Variants in FAT3 observed in about 807,000 individuals in gnomAD.
The protein encoded by FAT3 is protocadherin Fat 3.
FAT3 carries 95 observed loss-of-function variants against 310.2 expected under a neutral mutation model. The observed-to-expected ratio is 0.31, with a 90% CI of 0.26 to 0.36. The LOEUF is 0.36. FAT3 is among the 10% of genes least tolerant of loss of function. FAT3 has a pLI of 1.00. For missense variants in FAT3, 5,408 were observed against 5,715.6 expected, an observed-to-expected ratio of 0.95 and a Z score of 1.74; for synonymous variants, 2,314 against 2,192.9, an observed-to-expected ratio of 1.06 and a Z score of -1.54.
chr11:92,360,299 G>T (rs1480204150), intron 2 of FAT3, among the ~76,000 whole-genome samples: 1 of 152,190 alleles, frequency 6.6e-6, no homozygotes, highest in African/African-American at 2.4e-5. Flanking sequence ...AGAGCTCTGC[G>T]AATCAAACCA....
At chr11:92,525,496 A>G (rs1030244246) in intron 3 of FAT3, among the ~76,000 whole-genome samples, 11 of 152,214 alleles carry the variant, frequency 7.2e-5, no homozygotes, top group African/African-American at 2.7e-4. Flanking sequence ...AAACGTTTTT[A>G]GAGATTGTAA....
At chr11:92,652,940 A>G (rs1427037305) in intron 3 of FAT3, among the ~76,000 whole-genome samples, 6 of 152,148 alleles carry the variant, frequency 3.9e-5, no homozygotes, top group African/African-American at 1.4e-4. Context: ...AGGCGGGTAG[A>G]TCACCTGAGG....
chr11:92,703,417 T>C (rs1216269521), intron 4 of FAT3, among the ~76,000 whole-genome samples: 6 of 152,218 alleles, frequency 3.9e-5, no homozygotes, highest in Non-Finnish European at 7.3e-5. Context: ...TAGGCATCTC[T>C]TTCTGCCACC....
intron 5 of FAT3, 80 bp from the exon 6 acceptor site, chr11:92,764,799 C>A: frequency 7.4e-7 from 1 of 1,352,504 alleles, no homozygotes; most frequent in East Asian, 2.4e-5. Flanking sequence ...ACTCTTGGCC[C>A]AGCAACATGA....
intron 4 of FAT3, among the ~76,000 whole-genome samples, chr11:92,727,500 C>A (rs1013543197): frequency 2.0e-5 from 3 of 151,890 alleles, no homozygotes; most frequent in Non-Finnish European, 4.4e-5. Context: ...TGGTAGATAA[C>A]CTTTTATTTT....
intron 1 of FAT3, among the ~76,000 whole-genome samples, chr11:92,232,724 A>G (rs1326075906): frequency 7.2e-6 from 1 of 137,992 alleles, no homozygotes; most frequent in African/African-American, 2.7e-5. Context: ...GAGTGGACGC[A>G]TGGTGTCTTG....
intron 2 of FAT3, among the ~76,000 whole-genome samples, chr11:92,370,610 A>C (rs74586660): frequency 0.054 from 8,264 of 152,304 alleles, 260 homozygotes; most frequent in African/African-American, 0.069. Flanking sequence ...TTGGATAACC[A>C]TTTTATACAA....
chr11:92,579,569 T>G (rs1015451523), intron 3 of FAT3, among the ~76,000 whole-genome samples: 1 of 152,090 alleles, frequency 6.6e-6, no homozygotes, highest in Admixed American at 6.6e-5. Flanking sequence ...ATAATTAAAT[T>G]TGGGGACAGA....
intron 5 of FAT3, among the ~76,000 whole-genome samples, chr11:92,762,555 C>T (rs1264932930): frequency 6.6e-6 from 1 of 152,076 alleles, no homozygotes; most frequent in African/African-American, 2.4e-5. Context: ...CAACATGTCC[C>T]CGAGACTTCC....
chr11:92,509,668 T>G (rs1351680093), intron 2 of FAT3, among the ~76,000 whole-genome samples: 1 of 152,150 alleles, frequency 6.6e-6, no homozygotes, highest in Non-Finnish European at 1.5e-5. Flanking sequence ...AAATGAGTCA[T>G]AGAACTAAAG....
At chr11:92,263,604 G>C (rs2134313337) in intron 1 of FAT3, among the ~76,000 whole-genome samples, 1 of 150,826 alleles carries the variant, frequency 6.6e-6, no homozygotes, top group East Asian at 2.0e-4. Flanking sequence ...TGATAAATGT[G>C]GTATTTGAAT....
intron 3 of FAT3, among the ~76,000 whole-genome samples, chr11:92,647,775 C>T (rs1942220032): frequency 6.6e-6 from 1 of 152,194 alleles, no homozygotes; most frequent in East Asian, 1.9e-4. Context: ...CTCTGGCCCT[C>T]TAAACAAGGA....
At chr11:92,501,410 A>G in intron 2 of FAT3, among the ~76,000 whole-genome samples, 1 of 152,082 alleles carries the variant, frequency 6.6e-6, no homozygotes, top group Non-Finnish European at 1.5e-5. Flanking sequence ...ATGGTAATAT[A>G]CTACTGGGAA....
intron 2 of FAT3, among the ~76,000 whole-genome samples, chr11:92,446,776 G>T (rs1426463364): frequency 6.6e-6 from 1 of 152,080 alleles, no homozygotes; most frequent in Non-Finnish European, 1.5e-5. Context: ...TCTAGTTTTT[G>T]ACCTGTTGGT....
chr11:92,427,423 G>C (rs1164046114), intron 2 of FAT3, among the ~76,000 whole-genome samples: 1 of 152,184 alleles, frequency 6.6e-6, no homozygotes, highest in African/African-American at 2.4e-5. Flanking sequence ...GGAGTAGTGA[G>C]AGAGGGCATC....
chr11:92,794,740 G>A (rs552911727), intron 9 of FAT3, among the ~76,000 whole-genome samples: 13 of 151,924 alleles, frequency 8.6e-5, no homozygotes, highest in South Asian at 4.1e-4. Flanking sequence ...AATTGATATC[G>A]CAAAAAAAAT....
chr11:92,230,030 G>C (rs1461049049), intron 1 of FAT3, among the ~76,000 whole-genome samples: 1 of 152,102 alleles, frequency 6.6e-6, no homozygotes, highest in East Asian at 1.9e-4. Context: ...TGAAGGTGTT[G>C]CCTACCGTGG....
At chr11:92,705,794 ATGGTGT>A (rs1565527704) in intron 4 of FAT3, among the ~76,000 whole-genome samples, 3 of 35,234 alleles carry the variant, frequency 8.5e-5, no homozygotes, top group South Asian at 8.5e-4. Context: ...TGGTGGTGTG[ATGGTGT>A]TGGTGTTGGT....
intron 4 of FAT3, among the ~76,000 whole-genome samples, chr11:92,743,950 A>G (rs999426442): frequency 6.6e-6 from 1 of 152,140 alleles, no homozygotes; most frequent in Admixed American, 6.6e-5. Flanking sequence ...CTCCTACCAG[A>G]TGCATCCCTC....
Sources: gnomAD v4.1 joint callset for allele counts (sites outside exome capture counted in the v4.1 genomes callset) on GRCh38, gnomAD v4.1.1 for gene constraint, MANE v1.5 for transcripts, NCBI Gene and HGNC (gene_info 2026-07-23, HGNC 2026-07-21) for gene names.